Variants in PRR16 observed in about 807,000 individuals in gnomAD.
The protein encoded by PRR16 is proline rich 16.
PRR16 carries 6 observed loss-of-function variants against 18.2 expected under a neutral mutation model. That is an observed-to-expected ratio of 0.33 (90% confidence interval 0.18 to 0.65). PRR16 has a LOEUF of 0.65. PRR16 is among the 30% of genes least tolerant of loss of function. The pLI is 0.74. For synonymous variants in PRR16, 151 were observed against 147.8 expected, an observed-to-expected ratio of 1.02 and a Z score of -0.16; for missense variants, 412 against 376.6, an observed-to-expected ratio of 1.09 and a Z score of -0.78.
At chr5:120,508,478 T>A (rs1394549288) in intron 1 of PRR16, among the ~76,000 whole-genome samples, 1 of 152,104 alleles carries the variant, frequency 6.6e-6, no homozygotes, top group Non-Finnish European at 1.5e-5. Flanking sequence ...TGCTGCAATA[T>A]TATATAAGTA....
intron 1 of PRR16, among the ~76,000 whole-genome samples, chr5:120,471,618 C>T (rs957671511): frequency 6.6e-6 from 1 of 152,052 alleles, no homozygotes; most frequent in Non-Finnish European, 1.5e-5. Flanking sequence ...TAAACCACCT[C>T]CTCTCTCCCA....
At chr5:120,754,274 TAATATATA>T in the PRR16 span, among the ~76,000 whole-genome samples, 3 of 37,186 alleles carry the variant, frequency 8.1e-5, no homozygotes, top group Non-Finnish European at 1.5e-4. Context: ...AAATATAAAA[TAATATATA>T]AATATATAAT....
the PRR16 span, among the ~76,000 whole-genome samples, chr5:120,736,225 T>A: frequency 6.6e-6 from 1 of 152,202 alleles, no homozygotes; most frequent in Non-Finnish European, 1.5e-5. Flanking sequence ...TAAAATTTTG[T>A]ACTGTGTTTA....
At chr5:120,600,409 G>C (rs1486456140) in intron 1 of PRR16, among the ~76,000 whole-genome samples, 1 of 151,730 alleles carries the variant, frequency 6.6e-6, no homozygotes, top group Non-Finnish European at 1.5e-5. Flanking sequence ...CTCCAACAAC[G>C]CATAATGATA....
intron 1 of PRR16, among the ~76,000 whole-genome samples, chr5:120,595,632 C>T (rs1249088403): frequency 1.3e-5 from 2 of 151,868 alleles, no homozygotes; most frequent in Non-Finnish European, 2.9e-5. Context: ...CACTCCATGA[C>T]ACAACTTTGC....
chr5:120,786,085 TTTG>T, the PRR16 span, among the ~76,000 whole-genome samples: 2 of 134,568 alleles, frequency 1.5e-5, no homozygotes, highest in East Asian at 3.9e-4. Context: ...GAAGAAAGCT[TTTG>T]TTTTTTTTTT....
chr5:120,776,706 A>T, the PRR16 span, among the ~76,000 whole-genome samples: 1 of 152,170 alleles, frequency 6.6e-6, no homozygotes, highest in Non-Finnish European at 1.5e-5. Context: ...TAAATTTCTC[A>T]TAGATTATAT....
the PRR16 span, among the ~76,000 whole-genome samples, chr5:120,714,232 C>G: frequency 1.3e-5 from 2 of 151,900 alleles, no homozygotes; most frequent in African/African-American, 4.8e-5. Flanking sequence ...TTATTAAAAT[C>G]AAATATAATA....
chr5:120,759,017 C>T, the PRR16 span, among the ~76,000 whole-genome samples: 1 of 131,296 alleles, frequency 7.6e-6, no homozygotes, highest in Non-Finnish European at 1.6e-5. Flanking sequence ...GCTTCTGTCA[C>T]CCAGGCTGGA....
chr5:120,529,148 T>C (rs1416138935), intron 1 of PRR16, among the ~76,000 whole-genome samples: 5 of 152,182 alleles, frequency 3.3e-5, no homozygotes, highest in Non-Finnish European at 7.3e-5. Flanking sequence ...CAATCTTCAC[T>C]ATATTTGCTT....
chr5:120,566,967 AT>A (rs367585321), intron 1 of PRR16, among the ~76,000 whole-genome samples: 143 of 150,272 alleles, frequency 9.5e-4, no homozygotes, highest in African/African-American at 3.1e-3. Context: ...AATTCTGTTA[AT>A]TTTTTTTTTC....
At chr5:120,716,681 C>T in the PRR16 span, among the ~76,000 whole-genome samples, 1 of 152,052 alleles carries the variant, frequency 6.6e-6, no homozygotes, top group African/African-American at 2.4e-5. Flanking sequence ...TCGAGACCAG[C>T]CTGGCCAACA....
At chr5:120,517,288 C>A (rs1751029176) in intron 1 of PRR16, among the ~76,000 whole-genome samples, 1 of 152,066 alleles carries the variant, frequency 6.6e-6, no homozygotes, top group South Asian at 2.1e-4. Flanking sequence ...CAATTTATTT[C>A]CATGTAAATA....
At chr5:120,770,971 C>T in the PRR16 span, among the ~76,000 whole-genome samples, 3 of 151,048 alleles carry the variant, frequency 2.0e-5, no homozygotes, top group African/African-American at 4.9e-5. Context: ...CACACACACA[C>T]CTTGCATCTT....
intron 1 of PRR16, among the ~76,000 whole-genome samples, chr5:120,499,546 T>C (rs2112840729): frequency 6.6e-6 from 1 of 152,284 alleles, no homozygotes; most frequent in South Asian, 2.1e-4. Flanking sequence ...ATTGATTCTA[T>C]TCCCTGGGGT....
intron 1 of PRR16, among the ~76,000 whole-genome samples, chr5:120,613,126 A>G (rs1242949013): frequency 1.3e-5 from 2 of 152,184 alleles, no homozygotes; most frequent in African/African-American, 2.4e-5. Flanking sequence ...ATATTTGCCC[A>G]TGAGTTTACA....
At chr5:120,772,910 A>G in the PRR16 span, among the ~76,000 whole-genome samples, 1 of 152,144 alleles carries the variant, frequency 6.6e-6, no homozygotes, top group Non-Finnish European at 1.5e-5. Context: ...GAATTTTTAC[A>G]TTTAAGCCAA....
intron 1 of PRR16, among the ~76,000 whole-genome samples, chr5:120,491,829 C>T (rs1352135477): frequency 6.6e-6 from 1 of 152,160 alleles, no homozygotes. Flanking sequence ...CAGGCGTGAT[C>T]CACTGTGCCC....
intron 1 of PRR16, among the ~76,000 whole-genome samples, chr5:120,473,485 G>T (rs1482899358): frequency 6.6e-6 from 1 of 152,090 alleles, no homozygotes. Flanking sequence ...TCCATAGTGT[G>T]GCGATAGTGA....
Sources: allele counts gnomAD v4.1 joint callset (sites outside exome capture counted in the v4.1 genomes callset), GRCh38; gene constraint gnomAD v4.1.1; transcripts MANE v1.5; gene names NCBI Gene and HGNC (gene_info 2026-07-23, HGNC 2026-07-21).